DPH6: variants seen among roughly 807,000 people sequenced by gnomAD.
DPH6 encodes the protein diphthamine biosynthesis 6.
In DPH6, 33 loss-of-function variants were observed where a neutral mutation model predicts 38.2. That is an observed-to-expected ratio of 0.86 (90% CI 0.65 to 1.15). The LOEUF (loss-of-function observed/expected upper bound fraction) is 1.15, where lower values mean the gene tolerates loss of function less well. Among genes scored for constraint, DPH6 ranks in the 50% most tolerant of loss-of-function variants. DPH6 has a pLI of 0.00. For missense variants in DPH6, 325 were observed against 320.0 expected (o/e 1.02, Z -0.12); for synonymous variants, 108 against 103.0 (o/e 1.05, Z -0.30).
intron 5 of DPH6, among the ~76,000 whole-genome samples, chr15:35,418,456 A>G (rs1299998214): frequency 1.3e-5 from 2 of 152,234 alleles, no homozygotes; most frequent in East Asian, 3.9e-4. Context: ...TCATACAGAC[A>G]TTCCTTGATG....
At chr15:35,429,599 C>A (rs1462852257) in intron 5 of DPH6, among the ~76,000 whole-genome samples, 5 of 152,050 alleles carry the variant, frequency 3.3e-5, no homozygotes, top group African/African-American at 1.2e-4. Context: ...CTACTATCAA[C>A]TTCATATTAG....
intron 3 of DPH6, among the ~76,000 whole-genome samples, chr15:35,468,749 A>T (rs991265586): frequency 1.3e-5 from 2 of 151,618 alleles, no homozygotes; most frequent in Non-Finnish European, 2.9e-5. Context: ...CGAAAAGGGG[A>T]CAGTTAGCAG....
At chr15:35,394,616 C>T (rs2053106037) in intron 6 of DPH6, among the ~76,000 whole-genome samples, 1 of 152,188 alleles carries the variant, frequency 6.6e-6, no homozygotes, top group Non-Finnish European at 1.5e-5. Flanking sequence ...GCTTTGGAGA[C>T]AGACAGTTCT....
chr15:35,208,661 T>G, the DPH6 span, among the ~76,000 whole-genome samples: 1 of 152,268 alleles, frequency 6.6e-6, no homozygotes, highest in Non-Finnish European at 1.5e-5. Flanking sequence ...CCACTGATTC[T>G]TATCTGTTAC....
the DPH6 span, among the ~76,000 whole-genome samples, chr15:35,167,178 G>C: frequency 6.6e-6 from 1 of 152,018 alleles, no homozygotes; most frequent in Non-Finnish European, 1.5e-5. Flanking sequence ...GTGATAAAGA[G>C]TGAAAACACA....
chr15:35,422,196 T>C (rs898361750), intron 5 of DPH6, among the ~76,000 whole-genome samples: 39 of 151,922 alleles, frequency 2.6e-4, no homozygotes, highest in African/African-American at 8.9e-4. Context: ...TGTGTTAAAA[T>C]TGACATGTAT....
intron 3 of DPH6, among the ~76,000 whole-genome samples, chr15:35,514,404 T>C (rs2054817211): frequency 6.6e-6 from 1 of 152,114 alleles, no homozygotes; most frequent in African/African-American, 2.4e-5. Flanking sequence ...ATTTACGGAA[T>C]GTTACCTAAT....
chr15:35,283,358 G>A (rs569137813), intron 3 of DPH6, among the ~76,000 whole-genome samples: 1 of 151,770 alleles, frequency 6.6e-6, no homozygotes, highest in Non-Finnish European at 1.5e-5. Flanking sequence ...AGGCTGGAGT[G>A]CAATTCCGGC....
At chr15:35,399,031 C>T (rs1287195315) in intron 6 of DPH6, among the ~76,000 whole-genome samples, 1 of 152,150 alleles carries the variant, frequency 6.6e-6, no homozygotes, top group Non-Finnish European at 1.5e-5. Context: ...ATACCTAGTG[C>T]TTACAATCAA....
chr15:35,401,069 C>T, intron 6 of DPH6: 1 of 904,438 alleles, frequency 1.1e-6, no homozygotes, highest in Non-Finnish European at 1.8e-6. Flanking sequence ...TTCAACAGTA[C>T]AGAAAAATTG....
At chr15:35,147,176 C>T in the DPH6 span, among the ~76,000 whole-genome samples, 1 of 152,084 alleles carries the variant, frequency 6.6e-6, no homozygotes, top group Non-Finnish European at 1.5e-5. Context: ...TGAATAGGTA[C>T]AGTATTATTC....
chr15:35,502,558 A>G (rs2054640945), intron 3 of DPH6, among the ~76,000 whole-genome samples: 2 of 152,008 alleles, frequency 1.3e-5, no homozygotes, highest in Non-Finnish European at 2.9e-5. Flanking sequence ...TTTGTAATAT[A>G]TATTAACATG....
At chr15:35,483,908 A>C (rs769024971) in intron 3 of DPH6, among the ~76,000 whole-genome samples, 5 of 152,364 alleles carry the variant, frequency 3.3e-5, no homozygotes, top group Non-Finnish European at 5.9e-5. Flanking sequence ...AAAACATGTT[A>C]AATGAATGCA....
intron 3 of DPH6, among the ~76,000 whole-genome samples, chr15:35,243,087 C>A (rs1182254075): frequency 7.0e-6 from 1 of 142,312 alleles, no homozygotes; most frequent in African/African-American, 2.6e-5. Context: ...ATTCTTAGTC[C>A]TTTTATACCT....
At chr15:35,324,381 T>G (rs1375305869) in intron 3 of DPH6, among the ~76,000 whole-genome samples, 1 of 152,154 alleles carries the variant, frequency 6.6e-6, no homozygotes, top group Non-Finnish European at 1.5e-5. Flanking sequence ...TAAACTCTAT[T>G]TTTCTTAAAC....
chr15:35,282,823 G>A (rs868742485), intron 3 of DPH6: 7 of 333,502 alleles, frequency 2.1e-5, no homozygotes, highest in South Asian at 9.8e-5. Context: ...ATCAGCCCAC[G>A]CCAGCTGCAT....
chr15:35,442,498 A>G (rs1566911327), intron 5 of DPH6, among the ~76,000 whole-genome samples: 1 of 152,202 alleles, frequency 6.6e-6, no homozygotes, highest in Admixed American at 6.5e-5. Context: ...TAGAATTATC[A>G]TATGACACAG....
the DPH6 span, among the ~76,000 whole-genome samples, chr15:35,145,135 C>A: frequency 7.6e-6 from 1 of 131,632 alleles, no homozygotes; most frequent in African/African-American, 2.7e-5. Context: ...GCAATATGTT[C>A]TTTCTGCAAC....
At chr15:35,407,827 G>T (rs1160305557) in intron 6 of DPH6, among the ~76,000 whole-genome samples, 2 of 151,976 alleles carry the variant, frequency 1.3e-5, no homozygotes, top group Non-Finnish European at 2.9e-5. Flanking sequence ...AGATGAGCCT[G>T]AAAAGGTGGA....
Sources: gnomAD v4.1 joint callset for allele counts (sites outside exome capture counted in the v4.1 genomes callset) on GRCh38, gnomAD v4.1.1 for gene constraint, MANE v1.5 for transcripts, NCBI Gene and HGNC (gene_info 2026-07-23, HGNC 2026-07-21) for gene names.